The following RNGTT variants were observed in gnomAD, a reference collection of about 807,000 sequenced individuals.
RNGTT encodes the protein mRNA-capping enzyme.
In RNGTT, 33 loss-of-function variants were observed where a neutral mutation model predicts 79.3. The ratio of observed to expected loss-of-function variants is 0.42; its 90% CI spans 0.32 to 0.56. The LOEUF is 0.56. RNGTT is among the 20% of genes least tolerant of loss of function. The probability of loss-of-function intolerance (pLI) is 0.17; values close to 1 mark genes in which losing one functional copy is unlikely to be tolerated. For synonymous variants in RNGTT, 222 were observed against 235.9 expected, an observed-to-expected ratio of 0.94 and a Z score of 0.54; for missense variants, 497 against 739.1, an observed-to-expected ratio of 0.67 and a Z score of 3.80.
At position 88,840,721 on chromosome 6, in the gene RNGTT, T is replaced by C. The variant is rs563392951; in HGVS notation, c.1269+3636A>G. On this transcript the variant is annotated intron_variant, in intron 11 of 15. Transcript: ENST00000369485. Reference sequence around the variant, plus strand: ...GCAAGAATTGCTTTTAAAAAAGAAATATCCTATGATTTTAAGGAATTACAT... The same window carrying C: ...GCAAGAATTGCTTTTAAAAAAGAAACATCCTATGATTTTAAGGAATTACAT... Among the ~76,000 whole-genome samples, 36 of 152,268 alleles carry C rather than the reference T, an allele frequency of 2.4e-4. 1 individual carries two copies. The South Asian group carries it at 4.3e-3, about 18-fold the overall frequency.
At chr6:88,900,526 G>T (rs1783413496) in intron 6 of RNGTT, among the ~76,000 whole-genome samples, 1 of 151,574 alleles carries the variant, frequency 6.6e-6, no homozygotes, top group Non-Finnish European at 1.5e-5. Flanking sequence ...CTGAGGTCAG[G>T]AGATCCACAC....
At chr6:88,850,251 T>C (rs968793502) in intron 9 of RNGTT, among the ~76,000 whole-genome samples, 6 of 151,952 alleles carry the variant, frequency 3.9e-5, no homozygotes. Flanking sequence ...TGACAATAAA[T>C]GGCATCCTCA....
intron 13 of RNGTT, among the ~76,000 whole-genome samples, chr6:88,750,077 T>G (rs1296620346): frequency 6.6e-6 from 1 of 152,166 alleles, no homozygotes; most frequent in African/African-American, 2.4e-5. Context: ...TACTCCAGTA[T>G]GAGCTCATCT....
rs564941430 is a variant in RNGTT at position 88,740,946 on chromosome 6, T to G, written c.1439+28828A>C. 7.2e-5 allele frequency among the ~76,000 whole-genome samples: 11 copies of G among 152,236 alleles called. No individual in the cohort carries two copies. The South Asian group carries it at 2.1e-3, about 29-fold the overall frequency. On this transcript the variant is annotated intron_variant, in intron 13 of 15. Transcript: ENST00000369485. ...TTAGTAATAGCCATTCTGACTGGTA[T>G]GAGATGCTGGTTAGGCTGCAGAGAA...
intron 6 of RNGTT, among the ~76,000 whole-genome samples, chr6:88,901,701 G>A (rs1233982426): frequency 1.3e-5 from 2 of 151,714 alleles, no homozygotes; most frequent in African/African-American, 2.4e-5. Context: ...TAGAGACGGG[G>A]TTTCACCATG....
chr6:88,782,106 G>A lies in RNGTT; in HGVS notation c.1339-12232C>T, dbSNP rs577458375. On this transcript the variant is annotated intron_variant, in intron 12 of 15. Coordinates refer to ENST00000369485, the MANE Select transcript of RNGTT (RefSeq NM_003800.5). ...TATCCCCTACTATGCCCTTTACACAGAATAATTAAGGCAGCAATAACTTCT... is the reference window on the plus strand; with the variant it reads ...TATCCCCTACTATGCCCTTTACACAAAATAATTAAGGCAGCAATAACTTCT... 4.6e-5 allele frequency among the ~76,000 whole-genome samples: 7 copies of A among 152,080 alleles called. No homozygotes were observed. The East Asian group carries it at 1.4e-3, about 29-fold the overall frequency.
chr6:88,893,132 A>G (rs1284242021), intron 6 of RNGTT, among the ~76,000 whole-genome samples: 2 of 152,138 alleles, frequency 1.3e-5, no homozygotes. Flanking sequence ...GGAAAAAAAG[A>G]GTATTTTTAA....
At chr6:88,926,656 A>G (rs74473036) in intron 4 of RNGTT, among the ~76,000 whole-genome samples, 3,395 of 152,324 alleles carry the variant, frequency 0.022, 126 homozygotes, top group African/African-American at 0.078. Context: ...AAGTGTGAAC[A>G]TGCAACTCAG....
At chr6:88,701,641 A>G (rs1242995941) in intron 13 of RNGTT, among the ~76,000 whole-genome samples, 1 of 152,100 alleles carries the variant, frequency 6.6e-6, no homozygotes, top group Non-Finnish European at 1.5e-5. Context: ...TTTTAGTATT[A>G]TGAATTTAGG....
In RNGTT at chr6:88,937,070, C is replaced by T. The variant is rs577630458; in HGVS notation, c.174+4001G>A. Reference sequence around the variant, plus strand: ...ATAATAGTCTTTGATGGGCCAGGCACGGTGGCTCACGCCTGTAATCCCAAC... The same window carrying T: ...ATAATAGTCTTTGATGGGCCAGGCATGGTGGCTCACGCCTGTAATCCCAAC... On this transcript the variant is annotated intron_variant, in intron 2 of 15. Coordinates refer to ENST00000369485, the MANE Select transcript of RNGTT (RefSeq NM_003800.5). Among the ~76,000 whole-genome samples the T allele has an allele frequency of 1.1e-3, 174 of 152,196 alleles. 1 individual carries two copies. Among genetic ancestry groups the T allele is most frequent in the African/African-American group, 3.9e-3 (160 of 41,522 alleles).
chr6:88,831,747 G>C (rs1780874706), intron 11 of RNGTT, among the ~76,000 whole-genome samples: 1 of 152,170 alleles, frequency 6.6e-6, no homozygotes, highest in African/African-American at 2.4e-5. Context: ...AAAGTCTCAG[G>C]ATACAAAATC....
chr6:88,769,494 T>C (rs1365039129), intron 13 of RNGTT, among the ~76,000 whole-genome samples: 2 of 151,972 alleles, frequency 1.3e-5, no homozygotes, highest in African/African-American at 4.8e-5. Context: ...TTACCTTTTA[T>C]ATTGTTGTTA....
intron 14 of RNGTT, among the ~76,000 whole-genome samples, chr6:88,649,042 C>T (rs1432928322): frequency 6.6e-6 from 1 of 152,270 alleles, no homozygotes; most frequent in Admixed American, 6.5e-5. Flanking sequence ...CCTTGAATAA[C>T]ATCATTTTGT....
At position 88,963,534 on chromosome 6, in the gene RNGTT, A is replaced by T; in HGVS notation, c.-125T>A. On this transcript the variant is annotated 5_prime_UTR_variant, in exon 1 of 16. Transcript: ENST00000369485. ...GAATCGCAGCCGTAATCTGAATTCC[A>T]ACCTCTCCGATCCGGGTAACGTCAG... 1 of 867,606 alleles carries T rather than the reference A, an allele frequency of 1.2e-6. No individual in the cohort carries two copies. The highest frequency in any genetic ancestry group is 1.7e-6 in the Non-Finnish European group (1 of 598,456). The allele number at this position is 867,606 out of a possible 1,614,324, so 53.7% of individuals were successfully genotyped here. A position where few individuals can be genotyped will look rare whatever the true frequency, so the allele number is the denominator to read the frequency against.
chr6:88,884,623 T>C (rs905455729), intron 8 of RNGTT, among the ~76,000 whole-genome samples: 1 of 152,088 alleles, frequency 6.6e-6, no homozygotes, highest in African/African-American at 2.4e-5. Flanking sequence ...ATAGTAGAGT[T>C]TCACACACTC....
intron 12 of RNGTT, among the ~76,000 whole-genome samples, chr6:88,771,346 T>C (rs879684132): frequency 0.15 from 20,175 of 131,468 alleles, 2,006 homozygotes; most frequent in Middle Eastern, 0.27. Flanking sequence ...TATATATATA[T>C]ATATACACAC....
intron 2 of RNGTT, among the ~76,000 whole-genome samples, chr6:88,930,762 C>T (rs1021042852): frequency 6.6e-6 from 1 of 152,092 alleles, no homozygotes; most frequent in South Asian, 2.1e-4. Flanking sequence ...GCAGACCTAT[C>T]TCTCATCTAC....
At chr6:88,844,585 A>T in intron 10 of RNGTT, 64 bp from the exon 11 acceptor site, 2 of 1,454,370 alleles carry the variant, frequency 1.4e-6, no homozygotes, top group Non-Finnish European at 1.9e-6. Flanking sequence ...CATAATTATC[A>T]AGGCTGCCAC....
At chr6:88,666,961 A>G (rs1430161442) in intron 14 of RNGTT, among the ~76,000 whole-genome samples, 4 of 152,212 alleles carry the variant, frequency 2.6e-5, no homozygotes, top group African/African-American at 9.7e-5. Context: ...TATTGAACTC[A>G]GGGGGAAAGG....
Sources: gnomAD v4.1 joint callset for allele counts (sites outside exome capture counted in the v4.1 genomes callset) on GRCh38, gnomAD v4.1.1 for gene constraint, MANE v1.5 for transcripts, NCBI Gene and HGNC (gene_info 2026-07-23, HGNC 2026-07-21) for gene names.